The following PRRC2B variants were observed in gnomAD, a reference collection of about 807,000 sequenced individuals.
The protein encoded by PRRC2B is protein PRRC2B.
A neutral mutation model predicts 242.3 loss-of-function variants in PRRC2B; 68 were observed. The observed-to-expected ratio is 0.28, with a 90% CI of 0.23 to 0.34. The LOEUF is 0.34. Among genes scored for constraint, PRRC2B ranks in the 10% least tolerant of loss-of-function variants. The probability of loss-of-function intolerance (pLI) is 1.00; values close to 1 mark genes in which losing one functional copy is unlikely to be tolerated. For synonymous variants in PRRC2B, 1,228 were observed against 1,173.6 expected, an observed-to-expected ratio of 1.05 and a Z score of -0.95; for missense variants, 2,835 against 2,954.8, an observed-to-expected ratio of 0.96 and a Z score of 0.94.
In PRRC2B at chr9:131,463,077, G is replaced by C. The variant is rs574462469; in HGVS notation, c.1405-1686G>C. On this transcript the variant is annotated intron_variant, in intron 11 of 31. Transcript: ENST00000683519. ...CCCATGGGATAAAGGCAGATAGGCA[G>C]ATTTTGGTATGAGCCATGAACTGAT... Among the ~76,000 whole-genome samples, 6 of 152,240 alleles carry C rather than the reference G, an allele frequency of 3.9e-5. No individual in the cohort carries two copies. In the East Asian group the frequency reaches 1.2e-3, roughly 29 times the overall value.
At position 131,494,193 on chromosome 9, in the gene PRRC2B, T is replaced by G. The variant is rs1351908436; in HGVS notation, c.6474-212T>G. ...GAGCTCTGTCCTGGAGGTGCCAGGG[T>G]GGTCAGTGACAGCCACCCCCTCACC... On this transcript the variant is annotated intron_variant, in intron 30 of 31. Coordinates refer to ENST00000683519, the MANE Select transcript of PRRC2B (RefSeq NM_013318.4). This position sits in a 1 kb window ranked among gnomAD's most constrained non-coding sequence, Gnocchi z 4.3. 6.6e-6 allele frequency among the ~76,000 whole-genome samples: 1 copy of G among 152,102 alleles called. No individual in the cohort carries two copies. Among genetic ancestry groups the G allele is most frequent in the Non-Finnish European group, 1.5e-5 (1 of 68,026 alleles).
intron 1 of PRRC2B, among the ~76,000 whole-genome samples, chr9:131,425,379 A>G (rs1207651841): frequency 6.6e-6 from 1 of 152,090 alleles, no homozygotes; most frequent in Admixed American, 6.5e-5. Context: ...AGGTAGTTAC[A>G]CTGAGAGCTG....
At chr9:131,465,517 G>A (rs779495490) in intron 12 of PRRC2B, among the ~76,000 whole-genome samples, 4 of 152,150 alleles carry the variant, frequency 2.6e-5, no homozygotes, top group Admixed American at 2.0e-4. Flanking sequence ...TGTACAGCAC[G>A]CTCCAGTTTC....
rs1430620270 is a variant in PRRC2B, at chr9:131,498,612, C to T, written c.*2738C>T. The T allele has an allele frequency of 6.6e-6, 1 of 152,246 alleles. No individual in the cohort carries two copies. The highest frequency in any genetic ancestry group is 1.5e-5 in the Non-Finnish European group (1 of 68,056). The allele number at this position is 152,246 out of a possible 1,614,324, so 9.4% of individuals were successfully genotyped here. ...AGGGTCTTATTTTGTTTTCAAACCC[C>T]CATCCTCAGAGCGCAGATACATGCA... On this transcript the variant is annotated 3_prime_UTR_variant, in exon 32 of 32. Transcript: ENST00000683519.
chr9:131,473,905 C>T (rs1943613196), intron 15 of PRRC2B, among the ~76,000 whole-genome samples, 181 bp downstream of exon 15: 1 of 152,140 alleles, frequency 6.6e-6, no homozygotes, highest in Non-Finnish European at 1.5e-5. Context: ...AATGCTTTGT[C>T]CAAGAGGCTC....
chr9:131,389,917 T>TG (rs201955507), upstream of PRRC2B, among the ~76,000 whole-genome samples: 17 of 122,438 alleles, frequency 1.4e-4, no homozygotes, highest in Non-Finnish European at 2.1e-4. Flanking sequence ...ACATGGTTGT[T>TG]TTTTTTTTTG....
intron 1 of PRRC2B, among the ~76,000 whole-genome samples, chr9:131,405,509 A>G (rs1837337878): frequency 6.6e-6 from 1 of 151,816 alleles, no homozygotes; most frequent in African/African-American, 2.4e-5. Flanking sequence ...TGCATATCTC[A>G]CTTCTCGACT....
chr9:131,430,055 T>TGG, intron 1 of PRRC2B, 39 bp from the exon 2 acceptor site: 1 of 668,158 alleles, frequency 1.5e-6, no homozygotes, highest in Non-Finnish European at 2.6e-6. Context: ...TTTTTTTTTC[T>TGG]CTCTCTTTTT....
At chr9:131,426,995 G>A (rs57284883) in intron 1 of PRRC2B, among the ~76,000 whole-genome samples, 6,902 of 152,304 alleles carry the variant, frequency 0.045, 230 homozygotes, top group Admixed American at 0.11. Flanking sequence ...ATGTGGGGCG[G>A]AGAGGAGAAT....
chr9:131,399,176 G>T (rs978547350), intron 1 of PRRC2B, among the ~76,000 whole-genome samples: 1 of 149,560 alleles, frequency 6.7e-6, no homozygotes, highest in Non-Finnish European at 1.5e-5. Flanking sequence ...CTCAGGAGGG[G>T]TGAGGCTGGA....
At chr9:131,379,605 C>T (rs144272144) in intron 1 of PRRC2B, among the ~76,000 whole-genome samples, 3 of 149,002 alleles carry the variant, frequency 2.0e-5, no homozygotes, top group Non-Finnish European at 4.4e-5. Flanking sequence ...GAAGAAATAC[C>T]TATTCAAGTC....
intron 1 of PRRC2B, among the ~76,000 whole-genome samples, chr9:131,386,872 A>G (rs1836832981): frequency 6.7e-6 from 1 of 150,022 alleles, no homozygotes; most frequent in Non-Finnish European, 1.5e-5. Flanking sequence ...ATTAATTTAC[A>G]CGATCACAAG....
chr9:131,397,362 A>C (rs2131277830), intron 1 of PRRC2B, among the ~76,000 whole-genome samples: 2 of 152,340 alleles, frequency 1.3e-5, no homozygotes, highest in East Asian at 1.9e-4. Context: ...AGCCTGGGGA[A>C]GGAAGAGCCA....
rs766550655 is a variant in PRRC2B at position 131,479,338 on chromosome 9, C to T, written c.4845C>T (p.Asp1615=). The T allele has an allele frequency of 1.4e-5, 23 of 1,613,774 alleles. No homozygotes were observed. Among genetic ancestry groups the T allele is most frequent in the Middle Eastern group, 1.6e-4 (1 of 6,084 alleles). ...ACAACTTATGTCTGGAGCAAGGTGA[C>T]GTGACCGTGCCTGGCAGCAGCCTGG... The part of the protein sequence containing the change: ...KQNNLCLEQG[D]VTVPGSSLGT... Residue 1615 remains aspartate (D), a synonymous_variant, in exon 19 of 32, where the codon GAC becomes GAT. Transcript: ENST00000683519.
chr9:131,422,180 G>A (rs536154377), intron 1 of PRRC2B, among the ~76,000 whole-genome samples: 7 of 152,080 alleles, frequency 4.6e-5, no homozygotes, highest in East Asian at 1.9e-4. Flanking sequence ...TCAGCCTCCC[G>A]AATAGCTGGG....
In PRRC2B at chr9:131,498,069, G is replaced by T. The variant is rs1944377807; in HGVS notation, c.*2195G>T. On this transcript the variant is annotated 3_prime_UTR_variant, in exon 32 of 32. Coordinates refer to ENST00000683519, the MANE Select transcript of PRRC2B (RefSeq NM_013318.4). ...TTTGTCAAAAGAAAGCCTTCTGGAT[G>T]CTGTTAAGATGTACCCTTCAGGTGA... 2.0e-5 allele frequency: 3 copies of T among 152,204 alleles called. No homozygotes were observed. The South Asian group carries it at 6.2e-4, about 32-fold the overall frequency. The allele number at this position is 152,204 out of a possible 1,614,324, so 9.4% of individuals were successfully genotyped here.
intron 23 of PRRC2B, among the ~76,000 whole-genome samples, chr9:131,484,356 A>T (rs961032745): frequency 6.6e-6 from 1 of 152,132 alleles, no homozygotes; most frequent in Non-Finnish European, 1.5e-5. Context: ...GGAGGGCACT[A>T]TGGAGTGTGG....
intron 11 of PRRC2B, 46 bp from the exon 12 acceptor site, chr9:131,464,717 C>T (rs578112335): frequency 1.2e-4 from 183 of 1,496,790 alleles, no homozygotes; most frequent in Non-Finnish European, 1.5e-4. Context: ...TCCTGTATCC[C>T]GGGTCCCGGA....
intron 5 of PRRC2B, among the ~76,000 whole-genome samples, chr9:131,441,914 A>G (rs1838594294): frequency 6.6e-6 from 1 of 152,182 alleles, no homozygotes; most frequent in Non-Finnish European, 1.5e-5. Flanking sequence ...CTCATGGCAG[A>G]GAACAGATGG....
Sources: allele counts gnomAD v4.1 joint callset (sites outside exome capture counted in the v4.1 genomes callset), GRCh38; gene constraint gnomAD v4.1.1; non-coding constraint Gnocchi (gnomAD v3.1); transcripts MANE v1.5; gene names NCBI Gene and HGNC (gene_info 2026-07-23, HGNC 2026-07-21).